Variants in CLU observed in about 807,000 individuals in gnomAD.
CLU encodes clusterin.
CLU carries 25 observed loss-of-function variants against 46.4 expected under a neutral mutation model. The ratio of observed to expected loss-of-function variants is 0.54; its 90% confidence interval spans 0.39 to 0.75. The LOEUF (loss-of-function observed/expected upper bound fraction) is 0.75, where lower values mean the gene tolerates loss of function less well. CLU is among the 30% of genes least tolerant of loss of function. CLU has a pLI of 0.00. For synonymous variants in CLU, 235 were observed against 235.1 expected (o/e 1.00, Z 0.00); for missense variants, 504 against 592.1 (o/e 0.85, Z 1.54).
rs975642887 is a variant in CLU at position 27,598,581 on chromosome 8, C to T, written c.1219G>A (p.Val407Met). The T allele has an allele frequency of 3.7e-6, 6 of 1,614,030 alleles. No individual in the cohort carries two copies. The highest frequency in any genetic ancestry group is 2.2e-5 in the East Asian group (1 of 44,898). The change falls in exon 8 of 9, where the codon GTG becomes ATG. Residue 407 changes from valine (V) to methionine (M), a missense_variant. Physicochemically the swap from Val to Met is conservative, Grantham distance 21. Transcript: ENST00000316403. Reference protein sequence around the residue: ...DVPSGVTEVVVKLFDSDPITV... With the variant: ...DVPSGVTEVVMKLFDSDPITV... ...ATGGGATCAGAGTCAAAGAGCTTCA[C>T]GACCACCTCAGTGACACCGGAAGGA... is the stretch of plus-strand genomic sequence containing the variant.
chr8:27,605,120 C>A lies in CLU; in HGVS notation c.633G>T (p.Leu211=), dbSNP rs780681455. ...QDTYHYLPFS[L]PHRRPHFFFP... ...AGAAGAAGTGAGGCCTCCGGTGGGG[C>A]AGGCTGAAGGGCAGGTAGTGGTAGG... is the stretch of plus-strand genomic sequence containing the variant. Residue 211 remains leucine, a synonymous_variant, in exon 5 of 9, where the codon CTG becomes CTT. Transcript: ENST00000316403. The A allele has an allele frequency of 1.2e-6, 2 of 1,614,092 alleles. No individual in the cohort carries two copies. The highest frequency in any genetic ancestry group is 2.2e-5 in the South Asian group (2 of 91,080).
At position 27,600,791 on chromosome 8, in the gene CLU, G is replaced by T. The variant is rs917286509; in HGVS notation, c.935-782C>A. Among the ~76,000 whole-genome samples the T allele has an allele frequency of 1.4e-4, 21 of 152,244 alleles. No individual in the cohort carries two copies. The East Asian group carries it at 2.3e-3, about 17-fold the overall frequency. ...TGGCACTGCCTTCGTCCCAGACACC[G>T]CAGAAAGTTCTCTCTGGATATCCTT... On this transcript the variant is annotated intron_variant, in intron 6 of 8. Coordinates refer to ENST00000316403, the MANE Select transcript of CLU (RefSeq NM_001831.4).
At chr8:27,611,124 C>T (rs1394114550) in intron 1 of CLU, 4 of 444,118 alleles carry the variant, frequency 9.0e-6, no homozygotes, top group African/African-American at 2.0e-5. Context: ...GCGCTGCAGC[C>T]CCCAGGGAGT....
At position 27,599,885 on chromosome 8, in the gene CLU, G is replaced by C; in HGVS notation, c.1059C>G (p.Leu353=). 1 of 1,614,202 alleles carries C rather than the reference G, an allele frequency of 6.2e-7. No individual in the cohort carries two copies. Among genetic ancestry groups the C allele is most frequent in the Non-Finnish European group, 8.5e-7 (1 of 1,180,034 alleles). The change falls in exon 7 of 9, where the codon CTC becomes CTG. Residue 353 remains leucine, a synonymous_variant. Coordinates refer to ENST00000316403, the MANE Select transcript of CLU (RefSeq NM_001831.4). This position sits in a 1 kb window ranked among gnomAD's most constrained non-coding sequence, Gnocchi z 4.0. ...ELLKSYQWKM[L]NTSSLLEQLN... ...GCTGCTCCAGCAAGGAGGAGGTGTTGAGCATCTTCCACTGGTAGGACTTTA... is the reference window on the plus strand; with the variant it reads ...GCTGCTCCAGCAAGGAGGAGGTGTTCAGCATCTTCCACTGGTAGGACTTTA...
chr8:27,597,353 C>T lies in CLU; in HGVS notation c.*888G>A, dbSNP rs191418113. On this transcript the variant is annotated 3_prime_UTR_variant, in exon 9 of 9. Coordinates refer to ENST00000316403, the MANE Select transcript of CLU (RefSeq NM_001831.4). ...CTGCTGGCAGCGTAGGGTACTGCAG[C>T]CCAGCTATGGTTCAGACTAAAAGCC... 5.8e-4 allele frequency: 262 copies of T among 454,496 alleles called. 1 individual carries two copies. The highest frequency in any genetic ancestry group is 4.8e-3 in the African/African-American group (238 of 50,098). The allele number at this position is 454,496 out of a possible 1,614,324, so 28.2% of individuals were successfully genotyped here.
At chr8:27,611,944 T>C in intron 1 of CLU, 1 of 360,072 alleles carries the variant, frequency 2.8e-6, no homozygotes, top group South Asian at 2.1e-5. Context: ...CAGAAACACC[T>C]CTCTGCCAGG....
At chr8:27,600,509 C>G (rs1800700498) in intron 6 of CLU, among the ~76,000 whole-genome samples, 1 of 152,234 alleles carries the variant, frequency 6.6e-6, no homozygotes, top group Admixed American at 6.5e-5. Context: ...CTGGTGTGAG[C>G]CACCACGCCC....
At chr8:27,601,690 A>G (rs1213501403) in intron 6 of CLU, among the ~76,000 whole-genome samples, 1 of 152,260 alleles carries the variant, frequency 6.6e-6, no homozygotes, top group Non-Finnish European at 1.5e-5. Context: ...GATGACTGCA[A>G]TCATTTATAG....
Position 27,610,564 on chromosome 8 carries a change from T to A in CLU, c.8A>T (p.Lys3Met). Residue 3 changes from lysine to methionine, a missense_variant, in exon 2 of 9, where the codon AAG (lysine) becomes ATG (methionine). Coordinates refer to ENST00000316403, the MANE Select transcript of CLU (RefSeq NM_001831.4). Reference protein sequence around the residue: MMKTLLLFVGLLL... With the variant: MMMTLLLFVGLLL... ...CAGCCCCACAAACAGCAGCAGAGTC[T>A]TCATCATGCCTCCAATTCTGGAGTC... The A allele has an allele frequency of 6.2e-7, 1 of 1,614,160 alleles. No homozygotes were observed. The highest frequency in any genetic ancestry group is 1.1e-5 in the South Asian group (1 of 91,078).
chr8:27,606,828 T>A (rs1585254762), intron 3 of CLU, among the ~76,000 whole-genome samples: 1 of 152,256 alleles, frequency 6.6e-6, no homozygotes, highest in East Asian at 1.9e-4. Flanking sequence ...ACCTACTCAA[T>A]GACTACCCTC....
chr8:27,601,916 C>T (rs1378908218), intron 6 of CLU, among the ~76,000 whole-genome samples: 7 of 151,852 alleles, frequency 4.6e-5, no homozygotes, highest in Non-Finnish European at 7.4e-5. Flanking sequence ...TATGGTGAAA[C>T]CCTGTCTCTA....
At position 27,608,723 on chromosome 8, in the gene CLU, G is replaced by A. The variant is rs193220902; in HGVS notation, c.246+215C>T. The A allele has an allele frequency of 1.5e-4, 94 of 622,906 alleles. No homozygotes were observed. In the Middle Eastern group the frequency reaches 1.7e-3, roughly 11 times the overall value. The allele number at this position is 622,906 out of a possible 1,614,324, so 38.6% of individuals were successfully genotyped here. ...ATCTGGGCATTAGGCCCTGGGCCAGGCTCATAACAAAACCAGATCCAAGAT... is the reference window on the plus strand; with the variant it reads ...ATCTGGGCATTAGGCCCTGGGCCAGACTCATAACAAAACCAGATCCAAGAT... On this transcript the variant is annotated intron_variant, in intron 3 of 8. Coordinates refer to ENST00000316403, the MANE Select transcript of CLU (RefSeq NM_001831.4).
At chr8:27,606,287 G>A in intron 4 of CLU, 67 bp downstream of exon 4, 1 of 1,555,146 alleles carries the variant, frequency 6.4e-7, no homozygotes, top group Admixed American at 1.7e-5. Context: ...GCGGAATGAA[G>A]CATATTTCAC....
rs189652003 is a variant in CLU, at chr8:27,610,436, A to C, written c.97+39T>G. 71 of 1,525,330 alleles carry C rather than the reference A, an allele frequency of 4.7e-5. No homozygotes were observed. The East Asian group carries it at 1.5e-3, about 32-fold the overall frequency. The allele number at this position is 1,525,330 out of a possible 1,614,324, so 94.5% of individuals were successfully genotyped here. A position where few individuals can be genotyped will look rare whatever the true frequency, so the allele number is the denominator to read the frequency against. On this transcript the variant is annotated intron_variant, in intron 2 of 8. Transcript: ENST00000316403. ...AGCTACCCTGCCCTCTGACCTCATC[A>C]CCCTGTGGCCAGAGGAACATCATGC...
chr8:27,607,120 T>G (rs1800836178), intron 3 of CLU, among the ~76,000 whole-genome samples: 1 of 152,120 alleles, frequency 6.6e-6, no homozygotes, highest in South Asian at 2.1e-4. Flanking sequence ...GGCATATTAC[T>G]TGGGGTCAGG....
chr8:27,601,811 T>G (rs1800726764), intron 6 of CLU, among the ~76,000 whole-genome samples: 1 of 108,146 alleles, frequency 9.2e-6, no homozygotes, highest in African/African-American at 4.7e-5. Context: ...AATTTAAAAA[T>G]AAGAAAAACT....
At chr8:27,611,034 A>T in intron 1 of CLU, 1 of 377,136 alleles carries the variant, frequency 2.7e-6, no homozygotes, top group Non-Finnish European at 5.3e-6. Flanking sequence ...CCACAGAGGG[A>T]CTGCATCCCA....
Position 27,598,076 on chromosome 8 carries a change from T to TAGAGTG in CLU, c.*159_*164dup, listed in dbSNP as rs1554531122. 2 of 720,780 alleles carry TAGAGTG rather than the reference T, an allele frequency of 2.8e-6. No homozygotes were observed. Among genetic ancestry groups the TAGAGTG allele is most frequent in the African/African-American group, 3.5e-5 (2 of 57,238 alleles). The allele number at this position is 720,780 out of a possible 1,614,324, so 44.6% of individuals were successfully genotyped here. A position where few individuals can be genotyped will look rare whatever the true frequency, so the allele number is the denominator to read the frequency against. On this transcript the variant is annotated 3_prime_UTR_variant, in exon 9 of 9. Transcript: ENST00000316403. Reference sequence around the variant, plus strand: ...TCCCATGAGCAGCAGAGTCGAGTGTTAGAGTGCAGGATCCAGAGCGGGGAG... The same window carrying TAGAGTG: ...TCCCATGAGCAGCAGAGTCGAGTGTTAGAGTGAGAGTGCAGGATCCAGAGCGGGGAG...
At chr8:27,611,289 C>T (rs1000090414) in intron 1 of CLU, 4 of 454,698 alleles carry the variant, frequency 8.8e-6, no homozygotes, top group Non-Finnish European at 1.8e-5. Flanking sequence ...CAATTCCCTT[C>T]GGAGAGTAGA....
Sources: gnomAD v4.1 joint callset for allele counts (sites outside exome capture counted in the v4.1 genomes callset) on GRCh38, gnomAD v4.1.1 for gene constraint, Gnocchi (gnomAD v3.1) non-coding constraint, MANE v1.5 for transcripts, NCBI Gene and HGNC (gene_info 2026-07-23, HGNC 2026-07-21) for gene names.